CSMD1: variants seen among roughly 807,000 people sequenced by gnomAD.
The protein encoded by CSMD1 is CUB and Sushi multiple domains 1.
Under a neutral mutation model 417.5 loss-of-function variants are expected in CSMD1, and 213 were observed. That is an observed-to-expected ratio of 0.51 (90% confidence interval 0.46 to 0.57). The LOEUF is 0.57. Ranked by LOEUF, CSMD1 falls within the 20% of genes least tolerant of loss-of-function variation. The probability of loss-of-function intolerance (pLI) is 0.00; values close to 1 mark genes in which losing one functional copy is unlikely to be tolerated. For missense variants in CSMD1, 6,923 were observed against 4,529.7 expected (o/e 1.53, Z -15.17); for synonymous variants, 2,862 against 1,736.8 (o/e 1.65, Z -16.11).
chr8:4,612,872 A>G lies in CSMD1; in HGVS notation c.302+24470T>C, dbSNP rs922191264. Among the ~76,000 whole-genome samples, 8 of 152,324 alleles carry G rather than the reference A, an allele frequency of 5.3e-5. No homozygotes were observed. In the South Asian group the frequency reaches 1.2e-3, roughly 24 times the overall value. On this transcript the variant is annotated intron_variant, in intron 2 of 69. Coordinates refer to ENST00000635120, the MANE Select transcript of CSMD1 (RefSeq NM_033225.6). The stretch of plus-strand genomic sequence containing the variant: ...CACAAACCTGAGTGAATCAGAGCAT[A>G]CTAGAATACTTTCTTATGCTTTCCT...
rs188592391 is a variant in CSMD1, at chr8:3,097,169, T to C, written c.6950-132A>G. 2.1e-5 allele frequency: 13 copies of C among 623,198 alleles called. No individual in the cohort carries two copies. The Admixed American group carries it at 4.3e-4, about 21-fold the overall frequency. The allele number at this position is 623,198 out of a possible 1,614,324, so 38.6% of individuals were successfully genotyped here. A position where few individuals can be genotyped will look rare whatever the true frequency, so the allele number is the denominator to read the frequency against. On this transcript the variant is annotated intron_variant, in intron 46 of 69. Transcript: ENST00000635120. ...CTTATTGAGCTCTGGCCAAATTTAATACCGAATGCAAACACAGAGGGAGGG... is the reference window on the plus strand; with the variant it reads ...CTTATTGAGCTCTGGCCAAATTTAACACCGAATGCAAACACAGAGGGAGGG...
chr8:4,189,482 G>A (rs1001862773), intron 3 of CSMD1, among the ~76,000 whole-genome samples: 22 of 152,082 alleles, frequency 1.4e-4, no homozygotes, highest in Non-Finnish European at 2.5e-4. Context: ...AAATTTTTCC[G>A]CTAGACAGAG....
intron 5 of CSMD1, among the ~76,000 whole-genome samples, chr8:3,920,454 A>G (rs989693998): frequency 2.0e-5 from 3 of 151,938 alleles, no homozygotes; most frequent in East Asian, 3.9e-4. Context: ...TTACTTTCCA[A>G]TTTGAGTGCC....
intron 10 of CSMD1, among the ~76,000 whole-genome samples, chr8:3,534,926 G>A (rs992852088): frequency 6.6e-6 from 1 of 152,138 alleles, no homozygotes; most frequent in South Asian, 2.1e-4. Flanking sequence ...AAGATAGCCA[G>A]GGTTACTGTA....
At chr8:3,942,897 T>A (rs1223348561) in intron 5 of CSMD1, among the ~76,000 whole-genome samples, 1 of 152,168 alleles carries the variant, frequency 6.6e-6, no homozygotes, top group Non-Finnish European at 1.5e-5. Context: ...AATACATCAT[T>A]GTGATACTTT....
Position 2,965,771 on chromosome 8 carries a change from A to G in CSMD1, c.9280+4T>C. The G allele has an allele frequency of 1.3e-6, 2 of 1,598,324 alleles. No individual in the cohort carries two copies. Among genetic ancestry groups the G allele is most frequent in the South Asian group, 1.1e-5 (1 of 88,146 alleles). On this transcript the variant is annotated splice_donor_region_variant and intron_variant, in intron 59 of 69. Transcript: ENST00000635120. ...TGTAAAATCCAAAGAGTCACCAAAC[A>G]AACCTTTGCAGACAGGTTTGCTCGG...
intron 50 of CSMD1, among the ~76,000 whole-genome samples, chr8:3,036,871 T>A (rs1158350586): frequency 6.6e-6 from 1 of 152,188 alleles, no homozygotes; most frequent in East Asian, 1.9e-4. Flanking sequence ...TTTGGTTACA[T>A]GGATAAGTTA....
At chr8:2,995,479 T>C (rs901777539) in intron 54 of CSMD1, among the ~76,000 whole-genome samples, 2 of 152,152 alleles carry the variant, frequency 1.3e-5, no homozygotes, top group East Asian at 1.9e-4. Context: ...GCTGGAAAAA[T>C]GCTTGGCAGT....
At chr8:4,311,858 G>A (rs931207505) in intron 3 of CSMD1, among the ~76,000 whole-genome samples, 3 of 152,046 alleles carry the variant, frequency 2.0e-5, no homozygotes, top group Non-Finnish European at 4.4e-5. Flanking sequence ...TCACTGTTAG[G>A]TACTGGGTAT....
intron 17 of CSMD1, among the ~76,000 whole-genome samples, chr8:3,395,041 C>T (rs1231696721): frequency 6.6e-6 from 1 of 151,922 alleles, no homozygotes; most frequent in African/African-American, 2.4e-5. Flanking sequence ...TTTAAATGTG[C>T]TGGAGTGGGG....
intron 32 of CSMD1, among the ~76,000 whole-genome samples, chr8:3,200,844 T>C (rs544488924): frequency 1.2e-4 from 19 of 152,168 alleles, no homozygotes; most frequent in Non-Finnish European, 2.6e-4. Flanking sequence ...ATCTGAACAT[T>C]AATTGGTCAA....
chr8:3,776,296 G>A lies in CSMD1; in HGVS notation c.819-22254C>T, dbSNP rs79197695. 4.2e-3 allele frequency among the ~76,000 whole-genome samples: 635 copies of A among 152,178 alleles called. 27 individuals carry two copies. In the East Asian group the frequency reaches 0.081, roughly 19 times the overall value. ...TCTATTCTCAGAACACTGTCCAGAG[G>A]GGTCACATACAACCCAAATTAGATC... On this transcript the variant is annotated intron_variant, in intron 5 of 69. Transcript: ENST00000635120.
intron 68 of CSMD1, among the ~76,000 whole-genome samples, chr8:2,947,955 G>A (rs1350270683): frequency 6.7e-6 from 1 of 150,078 alleles, no homozygotes; most frequent in Non-Finnish European, 1.5e-5. Context: ...TTTTCTACAG[G>A]CCAGTAGACT....
chr8:3,226,358 G>A (rs936184178), intron 27 of CSMD1, among the ~76,000 whole-genome samples: 5 of 152,012 alleles, frequency 3.3e-5, no homozygotes, highest in Non-Finnish European at 4.4e-5. Context: ...CAAGGTGGGC[G>A]GATCATCTGA....
chr8:4,670,775 A>T (rs2130946344), intron 1 of CSMD1, among the ~76,000 whole-genome samples: 1 of 152,346 alleles, frequency 6.6e-6, no homozygotes, highest in East Asian at 1.9e-4. Context: ...AATTTATAAT[A>T]TAAAGAAAAA....
chr8:4,157,769 C>A (rs538822262), intron 3 of CSMD1, among the ~76,000 whole-genome samples: 1 of 152,278 alleles, frequency 6.6e-6, no homozygotes, highest in African/African-American at 2.4e-5. Context: ...CCTGCCTGGT[C>A]CAGCGTTCAC....
At chr8:4,820,086 A>G (rs1459581581) in intron 1 of CSMD1, among the ~76,000 whole-genome samples, 1 of 152,176 alleles carries the variant, frequency 6.6e-6, no homozygotes, top group Non-Finnish European at 1.5e-5. Flanking sequence ...CCTCTGGTCC[A>G]AGAAAGCCAC....
At chr8:3,511,966 T>C (rs1052796066) in intron 10 of CSMD1, among the ~76,000 whole-genome samples, 1 of 151,944 alleles carries the variant, frequency 6.6e-6, no homozygotes, top group Middle Eastern at 3.4e-3. Flanking sequence ...ACCTGCAGTT[T>C]TACAGTCACA....
intron 3 of CSMD1, among the ~76,000 whole-genome samples, chr8:4,246,564 AAAAT>A (rs1802722337): frequency 6.6e-6 from 1 of 152,184 alleles, no homozygotes; most frequent in Non-Finnish European, 1.5e-5. Flanking sequence ...GGTTTTCTTT[AAAAT>A]AATTATTTGC....
Sources: gnomAD v4.1 joint callset for allele counts (sites outside exome capture counted in the v4.1 genomes callset) on GRCh38, gnomAD v4.1.1 for gene constraint, MANE v1.5 for transcripts, NCBI Gene and HGNC (gene_info 2026-07-23, HGNC 2026-07-21) for gene names.